The following UNC13C variants were observed in gnomAD, a reference collection of about 807,000 sequenced individuals.
UNC13C encodes protein unc-13 homolog C.
A neutral mutation model predicts 245.4 loss-of-function variants in UNC13C; 174 were observed. That is an observed-to-expected ratio of 0.71 (90% CI 0.63 to 0.80). UNC13C has a LOEUF of 0.80. UNC13C is among the 30% of genes least tolerant of loss of function. The pLI is 0.00. For missense variants in UNC13C, 2,829 were observed against 2,602.9 expected, an observed-to-expected ratio of 1.09 and a Z score of -1.89; for synonymous variants, 992 against 895.1, an observed-to-expected ratio of 1.11 and a Z score of -1.93.
intron 1 of UNC13C, among the ~76,000 whole-genome samples, chr15:54,001,121 T>A (rs2249450): frequency 0.031 from 4,763 of 152,266 alleles, 266 homozygotes; most frequent in African/African-American, 0.11. Flanking sequence ...TTGGTGATAG[T>A]TCATGACAGG....
intron 2 of UNC13C, among the ~76,000 whole-genome samples, chr15:54,101,210 CT>C (rs775669470): frequency 6.7e-4 from 101 of 151,616 alleles, no homozygotes; most frequent in African/African-American, 2.2e-3. Context: ...ATCATGGTTC[CT>C]TTTTTTTCTT....
At chr15:54,618,196 C>T (rs2141302734) in intron 30 of UNC13C, among the ~76,000 whole-genome samples, 1 of 152,164 alleles carries the variant, frequency 6.6e-6, no homozygotes, top group African/African-American at 2.4e-5. Context: ...ATTTTTAATC[C>T]TCAAAAGCTG....
At chr15:54,384,901 A>G (rs906058640) in intron 17 of UNC13C, among the ~76,000 whole-genome samples, 1 of 152,170 alleles carries the variant, frequency 6.6e-6, no homozygotes, top group African/African-American at 2.4e-5. Context: ...CAACAGGTAC[A>G]TAAAAAATGC....
chr15:54,248,692 A>G lies in UNC13C; in HGVS notation c.3229-1533A>G, dbSNP rs376029939. Among the ~76,000 whole-genome samples the G allele has an allele frequency of 2.7e-3, 406 of 152,306 alleles. 2 individuals are homozygous for G. Among genetic ancestry groups the G allele is most frequent in the African/African-American group, 9.4e-3 (392 of 41,568 alleles). Reference sequence around the variant, plus strand: ...GATCTTCCACTTGAGTGATGCCCGAATTTGACCATACTGCTGCTCTGTAGA... The same window carrying G: ...GATCTTCCACTTGAGTGATGCCCGAGTTTGACCATACTGCTGCTCTGTAGA... On this transcript the variant is annotated intron_variant, in intron 7 of 32. Transcript: ENST00000260323.
At chr15:54,348,273 A>G (rs973175033) in intron 17 of UNC13C, among the ~76,000 whole-genome samples, 1 of 152,080 alleles carries the variant, frequency 6.6e-6, no homozygotes, top group African/African-American at 2.4e-5. Context: ...CCTTTCCTCT[A>G]CTTTTTCCCT....
At chr15:53,928,527 T>C in the UNC13C span, among the ~76,000 whole-genome samples, 1 of 152,188 alleles carries the variant, frequency 6.6e-6, no homozygotes, top group African/African-American at 2.4e-5. Flanking sequence ...ATGGCCAGTT[T>C]TGGGGCCAGT....
At chr15:54,210,311 A>G (rs2034841264) in intron 4 of UNC13C, among the ~76,000 whole-genome samples, 1 of 151,124 alleles carries the variant, frequency 6.6e-6, no homozygotes, top group Admixed American at 6.6e-5. Context: ...TTATTTCTAT[A>G]TTAGCTCTCT....
chr15:54,190,522 T>C (rs2034148577), intron 4 of UNC13C, among the ~76,000 whole-genome samples: 2 of 152,030 alleles, frequency 1.3e-5, no homozygotes, highest in African/African-American at 4.8e-5. Flanking sequence ...TTATGCGCCA[T>C]TCTTCACCCT....
At position 54,627,129 on chromosome 15, in the gene UNC13C, C is replaced by A. The variant is rs1566948281; in HGVS notation, c.*16C>A. ...GAGTGCTTGAAACAAACACTGCAAG[C>A]TAAATACATAACTATAATTGTTTGA... On this transcript the variant is annotated 3_prime_UTR_variant, in exon 33 of 33. Coordinates refer to ENST00000260323, the MANE Select transcript of UNC13C (RefSeq NM_001080534.3). The A allele has an allele frequency of 6.3e-7, 1 of 1,594,914 alleles. No homozygotes were observed. Among genetic ancestry groups the A allele is most frequent in the Non-Finnish European group, 8.5e-7 (1 of 1,170,152 alleles).
chr15:54,385,508 A>T (rs572338669), intron 17 of UNC13C, among the ~76,000 whole-genome samples: 1 of 152,218 alleles, frequency 6.6e-6, no homozygotes, highest in Non-Finnish European at 1.5e-5. Flanking sequence ...GTGGAAATAG[A>T]GAATAGAATG....
At chr15:54,549,999 G>A (rs994483819) in intron 28 of UNC13C, among the ~76,000 whole-genome samples, 4 of 152,202 alleles carry the variant, frequency 2.6e-5, no homozygotes, top group East Asian at 1.9e-4. Context: ...AACACAGTAC[G>A]GGAAAATGAA....
chr15:54,136,076 T>C lies in UNC13C; in HGVS notation c.2984-6942T>C, dbSNP rs140374861. ...CTTATAGTTTCCAGTGTACAGATCT[T>C]TCACCTCCTTCGTTAAATTTATATG... On this transcript the variant is annotated intron_variant, in intron 2 of 32. Coordinates refer to ENST00000260323, the MANE Select transcript of UNC13C (RefSeq NM_001080534.3). 4.8e-4 allele frequency among the ~76,000 whole-genome samples: 73 copies of C among 152,292 alleles called. No individual in the cohort carries two copies. In the East Asian group the frequency reaches 9.8e-3, roughly 21 times the overall value.
intron 18 of UNC13C, among the ~76,000 whole-genome samples, chr15:54,399,189 A>T (rs1272279019): frequency 6.6e-6 from 1 of 151,688 alleles, no homozygotes; most frequent in Non-Finnish European, 1.5e-5. Context: ...GAGATAAGAA[A>T]TACAGGAGGA....
chr15:54,372,186 A>G (rs1284944862), intron 17 of UNC13C, among the ~76,000 whole-genome samples: 2 of 152,170 alleles, frequency 1.3e-5, no homozygotes, highest in Admixed American at 6.5e-5. Flanking sequence ...GCATATATCA[A>G]AACATCATAT....
At chr15:54,449,541 A>T (rs537404752) in intron 19 of UNC13C, among the ~76,000 whole-genome samples, 3 of 152,248 alleles carry the variant, frequency 2.0e-5, no homozygotes, top group Admixed American at 2.0e-4. Flanking sequence ...TCAATCACTG[A>T]TACCCTTTCT....
intron 29 of UNC13C, among the ~76,000 whole-genome samples, chr15:54,558,324 C>T (rs779448198): frequency 2.0e-5 from 3 of 151,984 alleles, no homozygotes; most frequent in African/African-American, 7.2e-5. Flanking sequence ...AGTTGTTTTT[C>T]CGAGGCCATA....
chr15:54,301,476 C>G (rs2037581375), intron 13 of UNC13C, among the ~76,000 whole-genome samples: 1 of 151,974 alleles, frequency 6.6e-6, no homozygotes, highest in Admixed American at 6.6e-5. Flanking sequence ...GTGTGATGTT[C>G]CCCGCCCTGT....
At chr15:54,023,903 T>G (rs528111030) in intron 2 of UNC13C, among the ~76,000 whole-genome samples, 1 of 152,208 alleles carries the variant, frequency 6.6e-6, no homozygotes, top group African/African-American at 2.4e-5. Context: ...TGAATAGTTT[T>G]TATTTGCTTG....
intron 1 of UNC13C, among the ~76,000 whole-genome samples, chr15:53,984,975 C>G (rs1378693780): frequency 6.6e-6 from 1 of 151,682 alleles, no homozygotes; most frequent in Admixed American, 6.6e-5. Flanking sequence ...TTTTTTTACT[C>G]TTTATTTCTT....
Sources: gnomAD v4.1 joint callset for allele counts (sites outside exome capture counted in the v4.1 genomes callset) on GRCh38, gnomAD v4.1.1 for gene constraint, MANE v1.5 for transcripts, NCBI Gene and HGNC (gene_info 2026-07-23, HGNC 2026-07-21) for gene names.